SHROOM3: variants seen among roughly 807,000 people sequenced by gnomAD.
SHROOM3 encodes shroom family member 3.
In SHROOM3, 47 loss-of-function variants were observed where a neutral mutation model predicts 138.6. That is an observed-to-expected ratio of 0.34 (90% CI 0.27 to 0.43). SHROOM3 has a LOEUF of 0.43. SHROOM3 is among the 20% of genes least tolerant of loss of function. The probability of loss-of-function intolerance (pLI) is 1.00; values close to 1 mark genes in which losing one functional copy is unlikely to be tolerated. For missense variants in SHROOM3, 2,491 were observed against 2,596.5 expected (o/e 0.96, Z 0.88); for synonymous variants, 1,062 against 1,063.3 (o/e 1.00, Z 0.02).
intron 1 of SHROOM3, among the ~76,000 whole-genome samples, chr4:76,499,056 G>A (rs1732034398): frequency 6.6e-6 from 1 of 152,182 alleles, no homozygotes; most frequent in Non-Finnish European, 1.5e-5. Flanking sequence ...ATATTCTAGA[G>A]CTGAAAGCCA....
intron 2 of SHROOM3, among the ~76,000 whole-genome samples, chr4:76,668,647 C>G (rs866055788): frequency 6.6e-6 from 1 of 152,018 alleles, no homozygotes; most frequent in Non-Finnish European, 1.5e-5. Flanking sequence ...CTAATGAAAG[C>G]GTATTGTGAA....
chr4:76,490,904 C>T (rs544055754), intron 1 of SHROOM3, among the ~76,000 whole-genome samples: 1 of 152,286 alleles, frequency 6.6e-6, no homozygotes, highest in Admixed American at 6.5e-5. Flanking sequence ...TTACACAAGT[C>T]TTTTAACTAC....
chr4:76,559,944 G>A (rs1247269973), intron 2 of SHROOM3, among the ~76,000 whole-genome samples: 4 of 152,180 alleles, frequency 2.6e-5, no homozygotes, highest in African/African-American at 7.2e-5. Context: ...CTTGATACAC[G>A]AAGAGTGAAG....
chr4:76,444,420 G>A lies in SHROOM3; in HGVS notation c.168+8200G>A, dbSNP rs957058611. ...TTCTACCCTAGCTTTTACTGGCTAT[G>A]TGACCATGGCAAGTAACAGCCTTCT... On this transcript the variant is annotated intron_variant, in intron 1 of 10. Coordinates refer to ENST00000296043, the MANE Select transcript of SHROOM3 (RefSeq NM_020859.4). Among the ~76,000 whole-genome samples, 9 of 147,278 alleles carry A rather than the reference G, an allele frequency of 6.1e-5. No homozygotes were observed. In the South Asian group the frequency reaches 1.7e-3, roughly 28 times the overall value.
intron 1 of SHROOM3, among the ~76,000 whole-genome samples, chr4:76,464,685 G>A (rs1219452530): frequency 6.6e-6 from 1 of 152,132 alleles, no homozygotes; most frequent in Non-Finnish European, 1.5e-5. Context: ...TGGATCATGG[G>A]GGTGGATTTC....
chr4:76,713,080 C>G (rs927718094), intron 3 of SHROOM3, among the ~76,000 whole-genome samples: 18 of 152,236 alleles, frequency 1.2e-4, no homozygotes, highest in African/African-American at 3.9e-4. Flanking sequence ...CTGGGAGAGT[C>G]AGCGAGTGAG....
At chr4:76,735,554 G>A (rs756490701) in intron 4 of SHROOM3, among the ~76,000 whole-genome samples, 8 of 151,864 alleles carry the variant, frequency 5.3e-5, no homozygotes, top group Non-Finnish European at 1.0e-4. Context: ...TTTAAGATAT[G>A]TTAGGCTGGG....
intron 9 of SHROOM3, among the ~76,000 whole-genome samples, chr4:76,760,884 C>T (rs150330790): frequency 6.6e-6 from 1 of 152,228 alleles, no homozygotes; most frequent in African/African-American, 2.4e-5. Flanking sequence ...TACACCCTTA[C>T]ATGTATCACG....
intron 2 of SHROOM3, among the ~76,000 whole-genome samples, chr4:76,700,370 A>G (rs1362135681): frequency 6.6e-6 from 1 of 152,100 alleles, no homozygotes; most frequent in Non-Finnish European, 1.5e-5. Flanking sequence ...GGCTCAGAGC[A>G]CTCCATAAGG....
chr4:76,564,399 A>G (rs1008885022), intron 2 of SHROOM3, among the ~76,000 whole-genome samples: 2 of 152,174 alleles, frequency 1.3e-5, no homozygotes, highest in Non-Finnish European at 2.9e-5. Context: ...CATCATGGAA[A>G]TTTGCTCAGT....
rs1577901426 is a variant in SHROOM3, at chr4:76,585,099, A to G, written c.323+29336A>G. 2.6e-5 allele frequency among the ~76,000 whole-genome samples: 4 copies of G among 152,354 alleles called. No individual in the cohort carries two copies. In the East Asian group the frequency reaches 7.7e-4, roughly 29 times the overall value. ...CAATAAAATTAGTATCACCTTTGAA[A>G]TGCAATGATACTTTGAGGATGCTTC... On this transcript the variant is annotated intron_variant, in intron 2 of 10. Transcript: ENST00000296043.
intron 2 of SHROOM3, among the ~76,000 whole-genome samples, chr4:76,681,801 T>C (rs6810776): frequency 0.013 from 2,047 of 152,190 alleles, 39 homozygotes; most frequent in African/African-American, 0.047. Context: ...CTGAACCACT[T>C]TGGACTGGAA....
chr4:76,686,018 T>C (rs570379993), intron 2 of SHROOM3, among the ~76,000 whole-genome samples: 2 of 152,168 alleles, frequency 1.3e-5, no homozygotes, highest in Non-Finnish European at 2.9e-5. Flanking sequence ...ATAGCCATTT[T>C]TTTTTTAGAG....
chr4:76,724,742 T>C (rs1421776494), intron 3 of SHROOM3, among the ~76,000 whole-genome samples: 3 of 152,224 alleles, frequency 2.0e-5, no homozygotes, highest in Non-Finnish European at 4.4e-5. Flanking sequence ...TGGAGATATT[T>C]CCATATCAGT....
intron 5 of SHROOM3, chr4:76,742,158 CT>C (rs1721285154): frequency 1.6e-6 from 1 of 617,000 alleles, no homozygotes; most frequent in African/African-American, 1.8e-5. Flanking sequence ...GATTCTCTAT[CT>C]ATCTGTCTAC....
rs1168806147 is a variant in SHROOM3, at chr4:76,779,921, A to G, written c.*744A>G. 6.6e-6 allele frequency: 1 copy of G among 152,618 alleles called. No individual in the cohort carries two copies. Among genetic ancestry groups the G allele is most frequent in the African/African-American group, 2.4e-5 (1 of 41,436 alleles). 9.5% of individuals were successfully genotyped at this position (152,618 alleles called of 1,614,324 possible). On this transcript the variant is annotated 3_prime_UTR_variant, in exon 11 of 11. Transcript: ENST00000296043. ...TCCCCTCCTGTCTCACACCTTCCCC[A>G]GGAGGAAGGCCTCATGCACTGCGGT...
intron 1 of SHROOM3, among the ~76,000 whole-genome samples, chr4:76,484,572 A>AAAACAAACAAAC (rs142274232): frequency 2.7e-5 from 4 of 147,526 alleles, no homozygotes; most frequent in African/African-American, 5.1e-5. Flanking sequence ...CCCTTACTCT[A>AAAACAAACAAAC]AAACAAACAA....
intron 2 of SHROOM3, among the ~76,000 whole-genome samples, chr4:76,593,281 T>C (rs1734313793): frequency 6.6e-6 from 1 of 152,206 alleles, no homozygotes; most frequent in Non-Finnish European, 1.5e-5. Context: ...CAGAGGGGTT[T>C]GAGTTTATCC....
intron 4 of SHROOM3, among the ~76,000 whole-genome samples, chr4:76,738,165 T>C (rs914257989): frequency 3.9e-5 from 6 of 152,164 alleles, no homozygotes; most frequent in Non-Finnish European, 7.3e-5. Flanking sequence ...TTTTTCTGAC[T>C]CTAATTTCTC....
Sources: gnomAD v4.1 joint callset for allele counts (sites outside exome capture counted in the v4.1 genomes callset) on GRCh38, gnomAD v4.1.1 for gene constraint, MANE v1.5 for transcripts, NCBI Gene and HGNC (gene_info 2026-07-23, HGNC 2026-07-21) for gene names.